PDE4B: variants seen among roughly 807,000 people sequenced by gnomAD.
PDE4B encodes phosphodiesterase 4B, also known as 3',5'-cyclic-AMP phosphodiesterase 4B.
Under a neutral mutation model 82.2 loss-of-function variants are expected in PDE4B, and 20 were observed. The ratio of observed to expected loss-of-function variants is 0.24; its 90% CI spans 0.17 to 0.35. The LOEUF is 0.35. PDE4B is among the 10% of genes least tolerant of loss of function. The pLI is 1.00. For synonymous variants in PDE4B, 320 were observed against 318.9 expected, an observed-to-expected ratio of 1.00 and a Z score of -0.04; for missense variants, 655 against 907.2, an observed-to-expected ratio of 0.72 and a Z score of 3.57.
intron 7 of PDE4B, among the ~76,000 whole-genome samples, chr1:66,297,461 C>G (rs1359630340): frequency 1.3e-5 from 2 of 152,114 alleles, no homozygotes; most frequent in African/African-American, 4.8e-5. Flanking sequence ...AAGTAATTCC[C>G]AAACTCTTAA....
At chr1:66,201,163 T>G (rs1375722223) in intron 3 of PDE4B, among the ~76,000 whole-genome samples, 2 of 152,246 alleles carry the variant, frequency 1.3e-5, no homozygotes, top group Non-Finnish European at 2.9e-5. Flanking sequence ...GATTTGTGCA[T>G]GTTGAGCCAG....
At chr1:65,976,746 GC>G (rs1322496652) in intron 3 of PDE4B, among the ~76,000 whole-genome samples, 1 of 152,144 alleles carries the variant, frequency 6.6e-6, no homozygotes, top group African/African-American at 2.4e-5. Flanking sequence ...TGTCTCTCCT[GC>G]CCACTTGTGG....
chr1:66,079,938 G>C (rs1187886048), intron 3 of PDE4B, among the ~76,000 whole-genome samples: 1 of 152,048 alleles, frequency 6.6e-6, no homozygotes, highest in Non-Finnish European at 1.5e-5. Context: ...TTTAATACTT[G>C]TTGGACAGTT....
At chr1:66,004,223 A>G (rs1479830605) in intron 3 of PDE4B, among the ~76,000 whole-genome samples, 1 of 152,180 alleles carries the variant, frequency 6.6e-6, no homozygotes, top group Non-Finnish European at 1.5e-5. Context: ...TTAGTTCACT[A>G]ATGTATCGAG....
chr1:66,131,592 G>GATATATATATATATATAC (rs1645945503), intron 3 of PDE4B, among the ~76,000 whole-genome samples: 5 of 32,842 alleles, frequency 1.5e-4, no homozygotes, highest in Admixed American at 3.7e-4. Flanking sequence ...CTGAATGCCA[G>GATATATATATATATATAC]ATATATATAT....
intron 3 of PDE4B, among the ~76,000 whole-genome samples, chr1:66,222,211 C>T (rs555157552): frequency 5.4e-4 from 82 of 152,314 alleles, no homozygotes; most frequent in African/African-American, 2.0e-3. Context: ...GGTTTTCTCT[C>T]GCTGTACGTG....
chr1:66,254,588 T>A (rs564412455), intron 4 of PDE4B, among the ~76,000 whole-genome samples: 2 of 152,224 alleles, frequency 1.3e-5, no homozygotes, highest in South Asian at 4.2e-4. Flanking sequence ...TCCACCCGGA[T>A]ACAAATCAGT....
intron 1 of PDE4B, among the ~76,000 whole-genome samples, chr1:65,826,709 A>C (rs1237286503): frequency 6.6e-6 from 1 of 152,164 alleles, no homozygotes; most frequent in African/African-American, 2.4e-5. Context: ...AACAGGAAAA[A>C]TAAAAATGTT....
intron 3 of PDE4B, among the ~76,000 whole-genome samples, chr1:66,078,815 A>G (rs1180998852): frequency 6.6e-6 from 1 of 152,124 alleles, no homozygotes; most frequent in Non-Finnish European, 1.5e-5. Flanking sequence ...ATAATACGTG[A>G]GAGGTTCTAG....
At chr1:65,861,762 A>T (rs1258862381) in intron 1 of PDE4B, among the ~76,000 whole-genome samples, 1 of 151,996 alleles carries the variant, frequency 6.6e-6, no homozygotes, top group Non-Finnish European at 1.5e-5. Context: ...GAGGTCCTTC[A>T]TATCTCTTGT....
At chr1:66,315,107 C>G (rs1658939458) in intron 7 of PDE4B, among the ~76,000 whole-genome samples, 1 of 152,218 alleles carries the variant, frequency 6.6e-6, no homozygotes, top group Non-Finnish European at 1.5e-5. Context: ...CCCACTTGTT[C>G]TGTCATCTAT....
At chr1:66,109,411 G>A (rs1225311765) in intron 3 of PDE4B, among the ~76,000 whole-genome samples, 1 of 151,686 alleles carries the variant, frequency 6.6e-6, no homozygotes, top group Non-Finnish European at 1.5e-5. Context: ...GGGAATGAAG[G>A]AGCAGTAAGG....
chr1:66,093,369 A>G (rs1290751335), intron 3 of PDE4B, among the ~76,000 whole-genome samples: 1 of 152,098 alleles, frequency 6.6e-6, no homozygotes, highest in Non-Finnish European at 1.5e-5. Flanking sequence ...CCCTTTTTAT[A>G]TTAAGAAACT....
intron 3 of PDE4B, among the ~76,000 whole-genome samples, chr1:65,964,616 GT>G (rs1649717951): frequency 6.6e-6 from 1 of 152,144 alleles, no homozygotes; most frequent in African/African-American, 2.4e-5. Flanking sequence ...ATATAGAGAT[GT>G]TTCTAGAGCA....
chr1:66,339,000 C>T, intron 8 of PDE4B, among the ~76,000 whole-genome samples: 1 of 126,500 alleles, frequency 7.9e-6, no homozygotes, highest in Non-Finnish European at 1.6e-5. Context: ...GCCTGGGCGA[C>T]AGAGCGAGAC....
At chr1:66,276,326 C>A (rs1312320416) in intron 7 of PDE4B, among the ~76,000 whole-genome samples, 1 of 152,172 alleles carries the variant, frequency 6.6e-6, no homozygotes, top group African/African-American at 2.4e-5. Flanking sequence ...CACTCAAGAC[C>A]ACAAAGTTAG....
At chr1:66,122,187 A>G (rs1645722727) in intron 3 of PDE4B, among the ~76,000 whole-genome samples, 1 of 152,190 alleles carries the variant, frequency 6.6e-6, no homozygotes, top group African/African-American at 2.4e-5. Context: ...CATCTGCAAA[A>G]TGGGATCATG....
intron 3 of PDE4B, among the ~76,000 whole-genome samples, chr1:66,056,932 G>A (rs1655334666): frequency 6.6e-6 from 1 of 152,168 alleles, no homozygotes; most frequent in Non-Finnish European, 1.5e-5. Flanking sequence ...ATACATTTGT[G>A]TTGTTTAAGT....
At chr1:66,335,468 AGTTT>A (rs1176674533) in intron 8 of PDE4B, among the ~76,000 whole-genome samples, 4 of 152,170 alleles carry the variant, frequency 2.6e-5, no homozygotes, top group South Asian at 2.1e-4. Context: ...GTGCTTTTTT[AGTTT>A]GTTTGTTTTC....
Sources: gnomAD v4.1 joint callset for allele counts (sites outside exome capture counted in the v4.1 genomes callset) on GRCh38, gnomAD v4.1.1 for gene constraint, MANE v1.5 for transcripts, NCBI Gene and HGNC (gene_info 2026-07-23, HGNC 2026-07-21) for gene names.